PTPRT: variants seen among roughly 807,000 people sequenced by gnomAD.
The protein encoded by PTPRT is receptor-type tyrosine-protein phosphatase T.
PTPRT carries 56 observed loss-of-function variants against 176.8 expected under a neutral mutation model. The ratio of observed to expected loss-of-function variants is 0.32; its 90% CI spans 0.26 to 0.40. The LOEUF (loss-of-function observed/expected upper bound fraction) is 0.40. Ranked by LOEUF, PTPRT falls within the 10% of genes least tolerant of loss-of-function variation. PTPRT has a pLI of 1.00. For missense variants in PTPRT, 1,540 were observed against 1,908.2 expected (o/e 0.81, Z 3.60); for synonymous variants, 783 against 739.0 (o/e 1.06, Z -0.96).
At position 43,016,116 on chromosome 20, in the gene PTPRT, T is replaced by A. The variant is rs1985356211; in HGVS notation, c.89-130184A>T. The stretch of plus-strand genomic sequence containing the variant: ...CTGCCCCCTTCACTCATAGGTCCTG[T>A]CCAAGGGGGTCTACAGATCACACAA... On this transcript the variant is annotated intron_variant, in intron 1 of 30. Coordinates refer to ENST00000373187, the MANE Select transcript of PTPRT (RefSeq NM_007050.6). Among the ~76,000 whole-genome samples, 3 of 152,056 alleles carry A rather than the reference T, an allele frequency of 2.0e-5. No homozygotes were observed. The South Asian group carries it at 6.2e-4, about 32-fold the overall frequency.
intron 7 of PTPRT, among the ~76,000 whole-genome samples, chr20:42,474,897 C>T (rs2071263786): frequency 6.6e-6 from 1 of 152,072 alleles, no homozygotes; most frequent in Admixed American, 6.5e-5. Flanking sequence ...CTGGGTTTGC[C>T]CTCCAAACTG....
At chr20:42,902,497 C>T (rs997979947) in intron 1 of PTPRT, among the ~76,000 whole-genome samples, 4 of 152,120 alleles carry the variant, frequency 2.6e-5, no homozygotes, top group East Asian at 3.9e-4. Flanking sequence ...GAGAAGACAC[C>T]GGTAATCCCC....
intron 7 of PTPRT, among the ~76,000 whole-genome samples, chr20:42,555,574 C>T (rs1274745697): frequency 6.6e-6 from 1 of 152,182 alleles, no homozygotes; most frequent in East Asian, 1.9e-4. Flanking sequence ...ATTTCTTCCA[C>T]TCCAAGATGA....
intron 1 of PTPRT, among the ~76,000 whole-genome samples, chr20:43,002,780 A>C (rs971746171): frequency 2.6e-5 from 4 of 152,118 alleles, no homozygotes; most frequent in Non-Finnish European, 5.9e-5. Flanking sequence ...AAGAAATAAA[A>C]TGTTAATTAT....
intron 7 of PTPRT, among the ~76,000 whole-genome samples, chr20:42,579,125 A>T (rs1027794507): frequency 5.3e-5 from 7 of 132,356 alleles, no homozygotes; most frequent in South Asian, 2.3e-4. Flanking sequence ...GTTCTCATTG[A>T]TCAATTCCCA....
intron 1 of PTPRT, among the ~76,000 whole-genome samples, chr20:42,959,574 C>A (rs1015248903): frequency 6.6e-6 from 1 of 152,140 alleles, no homozygotes; most frequent in Non-Finnish European, 1.5e-5. Context: ...GACTGGCCTC[C>A]ACCATACAAT....
chr20:42,675,478 A>C (rs1488515809), intron 7 of PTPRT, among the ~76,000 whole-genome samples: 1 of 152,226 alleles, frequency 6.6e-6, no homozygotes, highest in Non-Finnish European at 1.5e-5. Flanking sequence ...CAGAAAGCAG[A>C]GGTGTAATTA....
At chr20:42,485,596 CT>C (rs902278977) in intron 7 of PTPRT, among the ~76,000 whole-genome samples, 30 of 151,606 alleles carry the variant, frequency 2.0e-4, no homozygotes, top group Non-Finnish European at 1.6e-4. Context: ...GAAGTACTAC[CT>C]TTTTTTTTCA....
intron 9 of PTPRT, among the ~76,000 whole-genome samples, chr20:42,396,507 A>C (rs1390712798): frequency 6.6e-6 from 1 of 152,118 alleles, no homozygotes; most frequent in Non-Finnish European, 1.5e-5. Context: ...TACTCACTCT[A>C]TTCCAACCAC....
intron 7 of PTPRT, among the ~76,000 whole-genome samples, chr20:42,537,044 T>C (rs2072489136): frequency 6.6e-6 from 1 of 152,052 alleles, no homozygotes. Flanking sequence ...GGTAAATATG[T>C]AGTAACTAAG....
intron 7 of PTPRT, among the ~76,000 whole-genome samples, chr20:42,637,916 C>A (rs80292851): frequency 6.6e-6 from 1 of 152,072 alleles, no homozygotes; most frequent in African/African-American, 2.4e-5. Flanking sequence ...TATGAAAACA[C>A]TCTATAAATA....
At chr20:42,512,246 A>G (rs762565870) in intron 7 of PTPRT, among the ~76,000 whole-genome samples, 13 of 152,190 alleles carry the variant, frequency 8.5e-5, no homozygotes, top group Non-Finnish European at 1.5e-4. Context: ...TCATCATTCC[A>G]AAAAACTTCC....
At chr20:42,151,536 C>G (rs1418122477) in intron 17 of PTPRT, among the ~76,000 whole-genome samples, 1 of 152,126 alleles carries the variant, frequency 6.6e-6, no homozygotes, top group African/African-American at 2.4e-5. Context: ...TTTTCTTTAT[C>G]CAGTCTATCA....
chr20:42,360,475 A>C (rs2058417922), intron 9 of PTPRT, among the ~76,000 whole-genome samples: 1 of 152,204 alleles, frequency 6.6e-6, no homozygotes, highest in South Asian at 2.1e-4. Flanking sequence ...GCAGCCTAAT[A>C]ATATGAAGCC....
chr20:42,933,173 C>G (rs1979971962), intron 1 of PTPRT, among the ~76,000 whole-genome samples: 1 of 152,198 alleles, frequency 6.6e-6, no homozygotes, highest in South Asian at 2.1e-4. Context: ...ATTCCTCCAG[C>G]CTGGCCAAGC....
At chr20:43,047,133 C>T (rs1373475455) in intron 1 of PTPRT, among the ~76,000 whole-genome samples, 3 of 152,032 alleles carry the variant, frequency 2.0e-5, no homozygotes, top group South Asian at 2.1e-4. Flanking sequence ...CCGATTCGCC[C>T]TCTGCCTTTC....
intron 7 of PTPRT, among the ~76,000 whole-genome samples, chr20:42,620,092 A>G (rs866049450): frequency 0.18 from 25,182 of 140,850 alleles, 3,004 homozygotes; most frequent in African/African-American, 0.36. Context: ...TTGGTCTTTG[A>G]TGATGGTGAT....
At chr20:42,707,181 G>GT (rs541904233) in intron 6 of PTPRT, among the ~76,000 whole-genome samples, 406 of 151,956 alleles carry the variant, frequency 2.7e-3, no homozygotes, top group Non-Finnish European at 3.8e-3. Context: ...TTTGTTTGTT[G>GT]TTTTTTTTGC....
intron 17 of PTPRT, among the ~76,000 whole-genome samples, chr20:42,149,662 A>G (rs1489258943): frequency 6.6e-6 from 1 of 151,962 alleles, no homozygotes; most frequent in Non-Finnish European, 1.5e-5. Flanking sequence ...GACCTCAGGT[A>G]ATCTGCCTGC....
Sources: gnomAD v4.1 joint callset for allele counts (sites outside exome capture counted in the v4.1 genomes callset) on GRCh38, gnomAD v4.1.1 for gene constraint, MANE v1.5 for transcripts, NCBI Gene and HGNC (gene_info 2026-07-23, HGNC 2026-07-21) for gene names.